Variants in CEP164 observed in about 807,000 individuals in gnomAD.
The protein encoded by CEP164 is centrosomal protein of 164 kDa.
A neutral mutation model predicts 182.7 loss-of-function variants in CEP164; 162 were observed. The observed-to-expected ratio is 0.89, with a 90% CI of 0.78 to 1.01. The LOEUF (loss-of-function observed/expected upper bound fraction) is 1.01. Among genes scored for constraint, CEP164 ranks in the 50% least tolerant of loss-of-function variants. The pLI is 0.00. For synonymous variants in CEP164, 661 were observed against 690.0 expected (o/e 0.96, Z 0.66); for missense variants, 1,735 against 1,790.4 (o/e 0.97, Z 0.56).
chr11:117,338,460 T>C (rs1379133392), intron 2 of CEP164, 106 bp from the exon 3 acceptor site: 3 of 790,600 alleles, frequency 3.8e-6, no homozygotes, highest in African/African-American at 3.4e-5. Context: ...CAAATTGCTC[T>C]GCAGGGTCTG....
intron 27 of CEP164, among the ~76,000 whole-genome samples, chr11:117,404,879 C>G (rs2046504412): frequency 6.6e-6 from 1 of 152,224 alleles, no homozygotes; most frequent in Non-Finnish European, 1.5e-5. Context: ...GAGAGGCAGT[C>G]TGGCTACAGT....
chr11:117,362,107 A>G, intron 6 of CEP164, 114 bp downstream of exon 6: 1 of 1,057,110 alleles, frequency 9.5e-7, no homozygotes, highest in Non-Finnish European at 1.4e-6. Context: ...GAGTCCTCAG[A>G]GTTCGTAATC....
At chr11:117,330,552 G>A (rs2036047122) in intron 1 of CEP164, among the ~76,000 whole-genome samples, 1 of 152,188 alleles carries the variant, frequency 6.6e-6, no homozygotes, top group African/African-American at 2.4e-5. Flanking sequence ...GTGAGGCTGA[G>A]GCAGGAGCAT....
Position 117,394,527 on chromosome 11 carries a change from ACC to A in CEP164, c.2760+37_2760+38del. The A allele has an allele frequency of 6.2e-7, 1 of 1,610,030 alleles. No individual in the cohort carries two copies. The highest frequency in any genetic ancestry group is 1.7e-5 in the Admixed American group (1 of 59,726). On this transcript the variant is annotated intron_variant, in intron 21 of 32. Coordinates refer to ENST00000278935, the MANE Select transcript of CEP164 (RefSeq NM_014956.5). The surrounding 1 kb of genome is among the most constrained non-coding windows in gnomAD (Gnocchi z 4.0). ...CCTGGGGCAGGGTGAGCCCACTGTG[ACC>A]CCTCCATGCACAGTAGGAAGGTGCT...
chr11:117,394,789 G>A lies in CEP164; in HGVS notation c.2761-131G>A. 2 of 994,640 alleles carry A rather than the reference G, an allele frequency of 2.0e-6. No individual in the cohort carries two copies. Among genetic ancestry groups the A allele is most frequent in the Non-Finnish European group, 3.1e-6 (2 of 651,414 alleles). 61.6% of individuals were successfully genotyped at this position (994,640 alleles called of 1,614,324 possible). A position where few individuals can be genotyped will look rare whatever the true frequency, so the allele number is the denominator to read the frequency against. On this transcript the variant is annotated intron_variant, in intron 21 of 32. Transcript: ENST00000278935. This position sits in a 1 kb window ranked among gnomAD's most constrained non-coding sequence, Gnocchi z 4.0. ...TGGAGCCTTCCTGGGAGGCTGCAGGGGCACACAGCGAGGAAGCCTGAGCCC... is the reference window on the plus strand; with the variant it reads ...TGGAGCCTTCCTGGGAGGCTGCAGGAGCACACAGCGAGGAAGCCTGAGCCC...
At chr11:117,402,657 A>G (rs1357046714) in intron 27 of CEP164, among the ~76,000 whole-genome samples, 1 of 152,234 alleles carries the variant, frequency 6.6e-6, no homozygotes. Flanking sequence ...AATAAGCACT[A>G]TGTGGTGCTA....
chr11:117,344,426 G>T, intron 4 of CEP164, 149 bp downstream of exon 4: 1 of 590,270 alleles, frequency 1.7e-6, no homozygotes, highest in Admixed American at 3.3e-5. Context: ...TATGCTGCCT[G>T]CTATTTCAGG....
chr11:117,355,556 G>A (rs1379931640), intron 5 of CEP164: 2 of 1,250,182 alleles, frequency 1.6e-6, no homozygotes, highest in African/African-American at 1.6e-5. Context: ...ATCCCCTGAG[G>A]AGGAGCCCTC....
At position 117,409,952 on chromosome 11, in the gene CEP164, C is replaced by T; in HGVS notation, c.4083C>T (p.Arg1361=). 1.2e-6 allele frequency: 2 copies of T among 1,614,112 alleles called. No individual in the cohort carries two copies. The highest frequency in any genetic ancestry group is 1.7e-6 in the Non-Finnish European group (2 of 1,180,022). The change falls in exon 30 of 33, where the codon CGC becomes CGT. Residue 1361 remains arginine, a synonymous_variant. Transcript: ENST00000278935. The surrounding 1 kb of genome is among the most constrained non-coding windows in gnomAD (Gnocchi z 4.4). The part of the protein sequence containing the change: ...TVDDFLLEKW[R]KYFPSGIPLL... ...ACGACTTCCTGTTGGAGAAGTGGCG[C>T]AAGTATTTTCCATGTAAGCCCCACT...
At chr11:117,362,102 C>T in intron 6 of CEP164, 109 bp downstream of exon 6, 1 of 1,100,432 alleles carries the variant, frequency 9.1e-7, no homozygotes, top group Non-Finnish European at 1.3e-6. Flanking sequence ...CGGTGGAGTC[C>T]TCAGAGTTCG....
Position 117,375,824 on chromosome 11 carries a change from G to T in CEP164, c.1317+33G>T, listed in dbSNP as rs755246982. 6 of 1,601,840 alleles carry T rather than the reference G, an allele frequency of 3.7e-6. No individual in the cohort carries two copies. The Admixed American group carries it at 5.0e-5, about 13-fold the overall frequency. On this transcript the variant is annotated intron_variant, in intron 11 of 32. Transcript: ENST00000278935. Reference sequence around the variant, plus strand: ...TCTGTGGGTGGTGGGCTGAGCTGGGGCCTCATTTTCCCTCACAACTTTTTC... The same window carrying T: ...TCTGTGGGTGGTGGGCTGAGCTGGGTCCTCATTTTCCCTCACAACTTTTTC...
chr11:117,351,930 A>G lies in CEP164; in HGVS notation c.335A>G (p.Lys112Arg), dbSNP rs1484175544. The G allele has an allele frequency of 1.2e-6, 2 of 1,612,226 alleles. No homozygotes were observed. Among genetic ancestry groups the G allele is most frequent in the Non-Finnish European group, 8.5e-7 (1 of 1,179,112 alleles). Reference sequence around the variant, plus strand: ...TCAACTTCTGGGGCCATTAAGAAGAAGAAAAAAAAAAAGGAAAAGAAAGAC... The same window carrying G: ...TCAACTTCTGGGGCCATTAAGAAGAGGAAAAAAAAAAAGGAAAAGAAAGAC... ...KLSTSGAIKK[K>R]KKKKEKKDKK... The change falls in exon 5 of 33, where the codon AAG becomes AGG. Residue 112 changes from lysine to arginine, a missense_variant. By Grantham distance (26) the Lys-to-Arg change is conservative. Coordinates refer to ENST00000278935, the MANE Select transcript of CEP164 (RefSeq NM_014956.5).
At chr11:117,361,008 CA>C (rs2040886288) in intron 5 of CEP164, among the ~76,000 whole-genome samples, 3 of 144,470 alleles carry the variant, frequency 2.1e-5, no homozygotes, top group African/African-American at 7.8e-5. Flanking sequence ...GATCTCGGGT[CA>C]CTGCAACCTC....
chr11:117,375,537 G>A (rs571164203), intron 10 of CEP164, among the ~76,000 whole-genome samples, 171 bp from the exon 11 acceptor site: 1 of 152,274 alleles, frequency 6.6e-6, no homozygotes, highest in African/African-American at 2.4e-5. Context: ...TCTTTCCATT[G>A]AGTCACAGTG....
intron 27 of CEP164, among the ~76,000 whole-genome samples, chr11:117,405,149 C>A (rs1161753164): frequency 1.3e-5 from 2 of 152,172 alleles, no homozygotes; most frequent in African/African-American, 4.8e-5. Context: ...AGCCCCGTTT[C>A]CAGAGGAGTG....
In CEP164 at chr11:117,381,821, T is replaced by C. The variant is rs968790237; in HGVS notation, c.1530T>C (p.Leu510=). Residue 510 remains leucine (L), a synonymous_variant, in exon 13 of 33, where the codon CTT becomes CTC. Coordinates refer to ENST00000278935, the MANE Select transcript of CEP164 (RefSeq NM_014956.5). ...GQPEWKEAEE[L]GEDSAASLSL... ...CCGAGTGGAAGGAGGCAGAGGAGCT[T>C]GGGGAGGACTCTGCAGCCAGCCTCA... The C allele has an allele frequency of 5.2e-6, 8 of 1,545,260 alleles. No individual in the cohort carries two copies. In the African/African-American group the frequency reaches 1.1e-4, roughly 21 times the overall value.
intron 27 of CEP164, among the ~76,000 whole-genome samples, chr11:117,399,126 C>T (rs140393706): frequency 0.025 from 3,789 of 152,204 alleles, 52 homozygotes; most frequent in Middle Eastern, 0.037. Context: ...CTAATGCTAT[C>T]CCTCCCCTAG....
chr11:117,363,414 C>A lies in CEP164; in HGVS notation c.688-15C>A. ...TTTCTTCAGAGTTACCACTTGTCAT[C>A]ATTTTTGTTTCTAGAGTGTCCACAG... On this transcript the variant is annotated splice_polypyrimidine_tract_variant and intron_variant, in intron 7 of 32. Coordinates refer to ENST00000278935, the MANE Select transcript of CEP164 (RefSeq NM_014956.5). 1 of 1,604,310 alleles carries A rather than the reference C, an allele frequency of 6.2e-7. No individual in the cohort carries two copies. The highest frequency in any genetic ancestry group is 8.5e-7 in the Non-Finnish European group (1 of 1,171,182).
intron 27 of CEP164, among the ~76,000 whole-genome samples, chr11:117,404,812 C>G (rs2046497021): frequency 6.6e-6 from 1 of 152,212 alleles, no homozygotes; most frequent in South Asian, 2.1e-4. Context: ...CTATAAACCC[C>G]TGACTGGGGC....
Sources: allele counts gnomAD v4.1 joint callset (sites outside exome capture counted in the v4.1 genomes callset), GRCh38; gene constraint gnomAD v4.1.1; non-coding constraint Gnocchi (gnomAD v3.1); transcripts MANE v1.5; gene names NCBI Gene and HGNC (gene_info 2026-07-23, HGNC 2026-07-21).